ZNF536: variants seen among roughly 807,000 people sequenced by gnomAD.
ZNF536 encodes the protein zinc finger protein 536.
A neutral mutation model predicts 84.5 loss-of-function variants in ZNF536; 13 were observed. The ratio of observed to expected loss-of-function variants is 0.15; its 90% CI spans 0.10 to 0.24. ZNF536 has a LOEUF of 0.24. Ranked by LOEUF, ZNF536 falls within the 10% of genes least tolerant of loss-of-function variation. The pLI, the probability that ZNF536 is intolerant of heterozygous loss-of-function variation, is 1.00. For synonymous variants in ZNF536, 811 were observed against 742.5 expected, an observed-to-expected ratio of 1.09 and a Z score of -1.50; for missense variants, 1,536 against 1,747.5, an observed-to-expected ratio of 0.88 and a Z score of 2.16.
intron 1 of ZNF536, among the ~76,000 whole-genome samples, chr19:30,591,939 C>A (rs904087550): frequency 2.6e-5 from 4 of 152,126 alleles, no homozygotes; most frequent in African/African-American, 9.7e-5. Context: ...CTTTGGAAAT[C>A]TTTTGAATAT....
At chr19:30,319,749 A>C (rs1568328913) in intron 2 of ZNF536, among the ~76,000 whole-genome samples, 1 of 152,266 alleles carries the variant, frequency 6.6e-6, no homozygotes. Flanking sequence ...CAAAATTATT[A>C]AATGGCAGAA....
chr19:30,696,703 C>T (rs1228169929), intron 1 of ZNF536, among the ~76,000 whole-genome samples: 2 of 152,148 alleles, frequency 1.3e-5, no homozygotes, highest in African/African-American at 4.8e-5. Context: ...AAGGGAGCCA[C>T]CTAGAGGCCA....
downstream of ZNF536, among the ~76,000 whole-genome samples, chr19:30,559,888 G>T (rs926405291): frequency 1.3e-5 from 2 of 152,104 alleles, no homozygotes; most frequent in African/African-American, 4.8e-5. Context: ...TCTAAAGCAG[G>T]GGGTATTTCC....
At chr19:30,623,198 A>T (rs1405128856) in intron 1 of ZNF536, among the ~76,000 whole-genome samples, 2 of 152,056 alleles carry the variant, frequency 1.3e-5, no homozygotes, top group Non-Finnish European at 2.9e-5. Flanking sequence ...AGATAGAAAG[A>T]ATAGCCTTTG....
At chr19:30,509,062 C>T (rs539866364) in intron 2 of ZNF536, among the ~76,000 whole-genome samples, 9 of 150,372 alleles carry the variant, frequency 6.0e-5, no homozygotes, top group African/African-American at 1.9e-4. Context: ...CTGGGGCTCC[C>T]GGGCTTGAGT....
At chr19:30,471,958 T>A (rs2144649347) in intron 2 of ZNF536, among the ~76,000 whole-genome samples, 1 of 152,332 alleles carries the variant, frequency 6.6e-6, no homozygotes, top group Non-Finnish European at 1.5e-5. Flanking sequence ...AAATGCTACA[T>A]GAGCCTTTAT....
intron 2 of ZNF536, among the ~76,000 whole-genome samples, chr19:30,453,985 C>A (rs1456878805): frequency 6.6e-6 from 1 of 152,250 alleles, no homozygotes; most frequent in East Asian, 1.9e-4. Flanking sequence ...ACATGGGAGG[C>A]CGGCCCTCCC....
chr19:30,539,059 G>A (rs1339691934), intron 3 of ZNF536, among the ~76,000 whole-genome samples: 1 of 149,964 alleles, frequency 6.7e-6, no homozygotes, highest in Non-Finnish European at 1.5e-5. Flanking sequence ...GGAAAGAAAG[G>A]AAAGAAAAGA....
intron 2 of ZNF536, among the ~76,000 whole-genome samples, chr19:30,518,632 A>G (rs73024820): frequency 0.097 from 14,703 of 152,332 alleles, 979 homozygotes; most frequent in Non-Finnish European, 0.15. Flanking sequence ...GTGCAGAAGG[A>G]CATCTGAGGG....
At chr19:30,266,397 AT>A (rs1334409060) in intron 1 of ZNF536, among the ~76,000 whole-genome samples, 2 of 152,132 alleles carry the variant, frequency 1.3e-5, no homozygotes, top group African/African-American at 4.8e-5. Flanking sequence ...GATTGGCACC[AT>A]GTGGCCTGTC....
intron 1 of ZNF536, among the ~76,000 whole-genome samples, chr19:30,254,458 A>G (rs2024797349): frequency 6.6e-6 from 1 of 152,078 alleles, no homozygotes; most frequent in Admixed American, 6.6e-5. Context: ...CAGGGTAGGA[A>G]CACAGCCCGC....
At chr19:30,620,238 T>G (rs1386978160) in intron 1 of ZNF536, among the ~76,000 whole-genome samples, 1 of 152,068 alleles carries the variant, frequency 6.6e-6, no homozygotes, top group Non-Finnish European at 1.5e-5. Context: ...GGTGCTGCCA[T>G]AAGGGAAAGC....
intron 1 of ZNF536, among the ~76,000 whole-genome samples, chr19:30,238,049 C>G (rs2023666433): frequency 1.3e-5 from 2 of 152,210 alleles, no homozygotes; most frequent in Non-Finnish European, 2.9e-5. Context: ...TGGACTAATT[C>G]TTTCTCCCTC....
chr19:30,669,544 C>T (rs1600213464), intron 1 of ZNF536, among the ~76,000 whole-genome samples: 2 of 152,312 alleles, frequency 1.3e-5, no homozygotes, highest in African/African-American at 2.4e-5. Flanking sequence ...CCCTTGGCCT[C>T]CCTGTCCTCA....
chr19:30,328,735 C>T (rs2047115919), intron 2 of ZNF536, among the ~76,000 whole-genome samples: 1 of 152,228 alleles, frequency 6.6e-6, no homozygotes, highest in Non-Finnish European at 1.5e-5. Context: ...AAGATCGTGG[C>T]ATGTTCATAG....
intron 1 of ZNF536, among the ~76,000 whole-genome samples, chr19:30,391,930 T>TACG (rs2049605898): frequency 6.6e-6 from 1 of 152,204 alleles, no homozygotes; most frequent in Non-Finnish European, 1.5e-5. Flanking sequence ...GCTAATGCAG[T>TACG]ACGTCTTAGA....
intron 1 of ZNF536, among the ~76,000 whole-genome samples, chr19:30,270,207 C>T (rs1214060173): frequency 6.6e-6 from 1 of 152,158 alleles, no homozygotes; most frequent in African/African-American, 2.4e-5. Context: ...GGATACAAAT[C>T]TCTAGGCATG....
chr19:30,415,758 C>G (rs555806031), intron 1 of ZNF536, among the ~76,000 whole-genome samples: 26 of 152,152 alleles, frequency 1.7e-4, no homozygotes, highest in Non-Finnish European at 3.2e-4. Context: ...CTACAGGTGC[C>G]CACCACCGTG....
chr19:30,336,981 C>T (rs1464214528), intron 2 of ZNF536, among the ~76,000 whole-genome samples: 4 of 151,914 alleles, frequency 2.6e-5, no homozygotes, highest in Non-Finnish European at 4.4e-5. Flanking sequence ...GGGTCTCAGC[C>T]GTGAGAACTC....
Sources: gnomAD v4.1 joint callset for allele counts (sites outside exome capture counted in the v4.1 genomes callset) on GRCh38, gnomAD v4.1.1 for gene constraint, MANE v1.5 for transcripts, NCBI Gene and HGNC (gene_info 2026-07-23, HGNC 2026-07-21) for gene names.